DOCK9: variants seen among roughly 807,000 people sequenced by gnomAD.
DOCK9 encodes the protein dedicator of cytokinesis 9.
Under a neutral mutation model 263.3 loss-of-function variants are expected in DOCK9, and 89 were observed. The observed-to-expected ratio is 0.34, with a 90% CI of 0.28 to 0.40. The LOEUF is 0.40. Among genes scored for constraint, DOCK9 ranks in the 10% least tolerant of loss-of-function variants. The pLI, the probability that DOCK9 is intolerant of heterozygous loss-of-function variation, is 1.00. For missense variants in DOCK9, 2,140 were observed against 2,603.4 expected (o/e 0.82, Z 3.87); for synonymous variants, 976 against 973.1 (o/e 1.00, Z -0.06).
intron 46 of DOCK9, among the ~76,000 whole-genome samples, chr13:98,809,829 C>T (rs192185232): frequency 7.2e-5 from 11 of 152,264 alleles, no homozygotes; most frequent in Non-Finnish European, 1.2e-4. Flanking sequence ...GGAAGGGACA[C>T]CATTTTTTCA....
intron 15 of DOCK9, among the ~76,000 whole-genome samples, chr13:98,890,909 C>T (rs1595029933): frequency 2.0e-5 from 3 of 152,282 alleles, no homozygotes; most frequent in Admixed American, 6.5e-5. Context: ...CTTCTGTTTA[C>T]ATCTGAGTTT....
At chr13:98,866,792 G>A (rs1245191098) in intron 30 of DOCK9, among the ~76,000 whole-genome samples, 1 of 152,196 alleles carries the variant, frequency 6.6e-6, no homozygotes, top group Non-Finnish European at 1.5e-5. Context: ...TTTTGGGGGT[G>A]AAGCAGGGAT....
At chr13:98,842,001 A>G (rs889671203) in intron 38 of DOCK9, among the ~76,000 whole-genome samples, 1 of 152,120 alleles carries the variant, frequency 6.6e-6, no homozygotes, top group Admixed American at 6.5e-5. Flanking sequence ...CATTTTATCC[A>G]ATTTTAAAGA....
chr13:98,831,820 A>G (rs370280050), intron 39 of DOCK9, 34 bp from the exon 40 acceptor site: 85 of 1,608,772 alleles, frequency 5.3e-5, no homozygotes, highest in Admixed American at 1.7e-5. Context: ...TGTTAGACAT[A>G]CCAGTCACCT....
Position 98,829,852 on chromosome 13 carries a change from C to A in DOCK9, c.4636-96G>T. ...AGTTAGGATGTGCCTAAGGACCCAG[C>A]AAAGTGGGGGTTGGGGGGTGCTTTG... On this transcript the variant is annotated intron_variant, in intron 41 of 52. Transcript: ENST00000682017. This position sits in a 1 kb window ranked among gnomAD's most constrained non-coding sequence, Gnocchi z 4.1. The A allele has an allele frequency of 9.5e-7, 1 of 1,052,466 alleles. No individual in the cohort carries two copies. Among genetic ancestry groups the A allele is most frequent in the East Asian group, 2.6e-5 (1 of 38,402 alleles). 65.2% of individuals were successfully genotyped at this position (1,052,466 alleles called of 1,614,324 possible).
Position 98,967,670 on chromosome 13 carries a change from G to A in DOCK9, c.126+10114C>T, listed in dbSNP as rs557144888. Among the ~76,000 whole-genome samples the A allele has an allele frequency of 1.9e-3, 297 of 152,308 alleles. 1 individual carries two copies. Among genetic ancestry groups the A allele is most frequent in the Non-Finnish European group, 2.8e-3 (189 of 68,026 alleles). Reference sequence around the variant, plus strand: ...ATGCTTCAGGCTCCACGTCGCCAGGGAGGAGGGAATTCTCCCCACTCTGAG... The same window carrying A: ...ATGCTTCAGGCTCCACGTCGCCAGGAAGGAGGGAATTCTCCCCACTCTGAG... On this transcript the variant is annotated intron_variant, in intron 1 of 52. Coordinates refer to ENST00000682017, the MANE Select transcript of DOCK9 (RefSeq NM_001366683.2).
chr13:99,032,482 CAA>C (rs35786410), intron 1 of DOCK9, among the ~76,000 whole-genome samples: 14 of 126,894 alleles, frequency 1.1e-4, no homozygotes, highest in Non-Finnish European at 1.5e-4. Flanking sequence ...GACACCATCT[CAA>C]AAAAAAAAAA....
At chr13:99,010,186 G>C (rs1007054479) in intron 1 of DOCK9, among the ~76,000 whole-genome samples, 4 of 152,124 alleles carry the variant, frequency 2.6e-5, no homozygotes, top group Non-Finnish European at 2.9e-5. Context: ...AGTTCTAACC[G>C]AGCAAGTTCT....
At position 98,881,624 on chromosome 13, in the gene DOCK9, G is replaced by A; in HGVS notation, c.2679C>T (p.Val893=). ...QEEVAVNVTR[V]IIHVVAQCHE... is the part of the protein sequence containing the mutation. Reference sequence around the variant, plus strand: ...GGCACTGGGCAACCACATGAATAATGACCCTACACACCACAGGAGTGAATA... The same window carrying A: ...GGCACTGGGCAACCACATGAATAATAACCCTACACACCACAGGAGTGAATA... The change falls in exon 25 of 53, where the codon GTC becomes GTT. Residue 893 remains valine (V), a synonymous_variant. Transcript: ENST00000682017. The A allele has an allele frequency of 6.2e-7, 1 of 1,607,672 alleles. No individual in the cohort carries two copies. The highest frequency in any genetic ancestry group is 1.3e-5 in the African/African-American group (1 of 74,944).
chr13:98,902,959 A>C lies in DOCK9; in HGVS notation c.1176+13T>G. On this transcript the variant is annotated intron_variant, in intron 11 of 52. Coordinates refer to ENST00000682017, the MANE Select transcript of DOCK9 (RefSeq NM_001366683.2). ...TTTTTTTTTTAATGTTTATTTTTAA[A>C]ATGAAAAATTACATTTGTAGTGGGT... 1 of 1,498,614 alleles carries C rather than the reference A, an allele frequency of 6.7e-7. No homozygotes were observed. The highest frequency in any genetic ancestry group is 8.9e-7 in the Non-Finnish European group (1 of 1,129,354). The allele number at this position is 1,498,614 out of a possible 1,614,324, so 92.8% of individuals were successfully genotyped here. A position where few individuals can be genotyped will look rare whatever the true frequency, so the allele number is the denominator to read the frequency against.
chr13:98,795,496 G>A (rs2089265283), intron 52 of DOCK9, among the ~76,000 whole-genome samples: 1 of 152,154 alleles, frequency 6.6e-6, no homozygotes, highest in South Asian at 2.1e-4. Context: ...TGGCATAATG[G>A]GAAGTTCAAG....
intron 49 of DOCK9, among the ~76,000 whole-genome samples, chr13:98,800,842 T>C (rs914983542): frequency 2.0e-5 from 3 of 152,208 alleles, no homozygotes; most frequent in South Asian, 2.1e-4. Flanking sequence ...CTAAACAATT[T>C]TGAGATACTA....
At chr13:98,948,970 G>C (rs1397878010) in intron 2 of DOCK9, among the ~76,000 whole-genome samples, 1 of 152,138 alleles carries the variant, frequency 6.6e-6, no homozygotes, top group Non-Finnish European at 1.5e-5. Flanking sequence ...CACTTGGGTT[G>C]CTTCCCGCTT....
chr13:98,797,741 A>C (rs1027620952), intron 50 of DOCK9, among the ~76,000 whole-genome samples: 10 of 152,194 alleles, frequency 6.6e-5, no homozygotes, highest in African/African-American at 2.4e-4. Flanking sequence ...CAATGCTTGG[A>C]AAACTTAGGG....
intron 1 of DOCK9, among the ~76,000 whole-genome samples, chr13:99,080,705 C>A (rs1009384130): frequency 2.0e-5 from 3 of 152,318 alleles, no homozygotes; most frequent in East Asian, 3.9e-4. Flanking sequence ...TTAATAAATT[C>A]TTTCCCGAAT....
At chr13:98,894,579 G>C (rs1344568367) in intron 15 of DOCK9, among the ~76,000 whole-genome samples, 1 of 152,050 alleles carries the variant, frequency 6.6e-6, no homozygotes, top group Non-Finnish European at 1.5e-5. Context: ...TGGTTATTAA[G>C]AGTTGCATGG....
At chr13:98,954,558 C>T (rs564315052) in intron 2 of DOCK9, among the ~76,000 whole-genome samples, 8 of 152,280 alleles carry the variant, frequency 5.3e-5, no homozygotes, top group African/African-American at 1.4e-4. Context: ...GTGCTGAGTC[C>T]TCCACATTTC....
rs574067351 is a variant in DOCK9, at chr13:98,954,436, A to T, written c.243+999T>A. Among the ~76,000 whole-genome samples, 4 of 152,254 alleles carry T rather than the reference A, an allele frequency of 2.6e-5. No homozygotes were observed. The East Asian group carries it at 7.7e-4, about 29-fold the overall frequency. ...GGCTCGCTGCAAGGCATTTAACACC[A>T]CCGGGTTTCCTGGAGGAAGAATGTC... On this transcript the variant is annotated intron_variant, in intron 2 of 52. Transcript: ENST00000682017.
Position 98,929,143 on chromosome 13 carries a change from A to C in DOCK9, c.333+1025T>G, listed in dbSNP as rs111815675. ...TTTTTAAATGAAGGTGCACTTAAAG[A>C]AACAAAATTAAAACATCTAATTATT... On this transcript the variant is annotated intron_variant, in intron 3 of 52. Transcript: ENST00000682017. Among the ~76,000 whole-genome samples, 1,163 of 152,354 alleles carry C rather than the reference A, an allele frequency of 7.6e-3. 15 individuals carry two copies. The highest frequency in any genetic ancestry group is 0.027 in the African/African-American group (1,128 of 41,574).
Sources: gnomAD v4.1 joint callset for allele counts (sites outside exome capture counted in the v4.1 genomes callset) on GRCh38, gnomAD v4.1.1 for gene constraint, Gnocchi (gnomAD v3.1) non-coding constraint, MANE v1.5 for transcripts, NCBI Gene and HGNC (gene_info 2026-07-23, HGNC 2026-07-21) for gene names.